Variants in RASGRP3 observed in about 807,000 individuals in gnomAD.
RASGRP3 encodes the protein ras guanyl-releasing protein 3.
Under a neutral mutation model 82.7 loss-of-function variants are expected in RASGRP3, and 54 were observed. The observed-to-expected ratio is 0.65, with a 90% CI of 0.52 to 0.82. RASGRP3 has a LOEUF of 0.82. Ranked by LOEUF, RASGRP3 falls within the 40% of genes least tolerant of loss-of-function variation. The pLI is 0.00. For synonymous variants in RASGRP3, 309 were observed against 300.5 expected (o/e 1.03, Z -0.29); for missense variants, 861 against 828.9 (o/e 1.04, Z -0.48).
chr2:33,535,086 A>G (rs1574448175), intron 11 of RASGRP3, among the ~76,000 whole-genome samples: 1 of 152,346 alleles, frequency 6.6e-6, no homozygotes, highest in East Asian at 1.9e-4. Context: ...AGCTCCATTC[A>G]ACATAAAATT....
At chr2:33,453,370 C>T (rs998515235) in intron 2 of RASGRP3, among the ~76,000 whole-genome samples, 5 of 152,138 alleles carry the variant, frequency 3.3e-5, no homozygotes, top group African/African-American at 1.2e-4. Flanking sequence ...GATAGTTGTT[C>T]AAATTGGTGT....
intron 10 of RASGRP3, chr2:33,533,670 C>T (rs56197103): frequency 0.044 from 6,645 of 152,424 alleles, 204 homozygotes; most frequent in Middle Eastern, 0.068. Flanking sequence ...GAACCCAGCC[C>T]TGCCTGACCA....
intron 1 of RASGRP3, among the ~76,000 whole-genome samples, chr2:33,499,063 AT>A (rs1360068787): frequency 6.6e-6 from 1 of 152,192 alleles, no homozygotes; most frequent in Non-Finnish European, 1.5e-5. Context: ...AAATAAATGT[AT>A]TCAATAATCA....
chr2:33,516,457 T>C (rs1302731282), intron 3 of RASGRP3, 85 bp from the exon 4 acceptor site: 4 of 848,824 alleles, frequency 4.7e-6, no homozygotes, highest in Non-Finnish European at 5.5e-6. Flanking sequence ...TTTTGACATA[T>C]GACACTACTG....
chr2:33,525,975 T>C (rs1287264799), intron 9 of RASGRP3, among the ~76,000 whole-genome samples: 1 of 152,230 alleles, frequency 6.6e-6, no homozygotes, highest in East Asian at 1.9e-4. Context: ...ATCAAACTGT[T>C]TCTCTCCTAA....
chr2:33,549,013 G>T (rs1004558530), intron 13 of RASGRP3, among the ~76,000 whole-genome samples: 1 of 152,114 alleles, frequency 6.6e-6, no homozygotes, highest in Non-Finnish European at 1.5e-5. Context: ...TGATAAACAA[G>T]AAGTCAGCGT....
chr2:33,487,910 G>T (rs940724880), intron 1 of RASGRP3, among the ~76,000 whole-genome samples: 1 of 152,170 alleles, frequency 6.6e-6, no homozygotes, highest in African/African-American at 2.4e-5. Flanking sequence ...AGACCAGCCT[G>T]GGCAACATAG....
chr2:33,544,616 A>G (rs965463296), intron 13 of RASGRP3, among the ~76,000 whole-genome samples: 8 of 152,208 alleles, frequency 5.3e-5, no homozygotes, highest in African/African-American at 1.9e-4. Flanking sequence ...CTGTAAGGAA[A>G]TGCTGGATTT....
At chr2:33,472,654 T>C (rs1291676389), upstream of RASGRP3, among the ~76,000 whole-genome samples, 1 of 151,878 alleles carries the variant, frequency 6.6e-6, no homozygotes, top group African/African-American at 2.4e-5. Flanking sequence ...GGTTGGTCAG[T>C]TGGGACAAAT....
intron 12 of RASGRP3, among the ~76,000 whole-genome samples, chr2:33,540,561 TGTGTGTGTG>T (rs1454988256): frequency 0.014 from 1,603 of 117,820 alleles, 131 homozygotes; most frequent in African/African-American, 0.026. Context: ...GTGTTTTGTG[TGTGTGTGTG>T]TGTGTGTGTG....
chr2:33,561,626 T>C (rs1397955056), intron 17 of RASGRP3, among the ~76,000 whole-genome samples: 2 of 152,254 alleles, frequency 1.3e-5, no homozygotes, highest in East Asian at 3.9e-4. Context: ...TTTTTTTTTT[T>C]CTGCCAGGCA....
chr2:33,514,727 A>G (rs529537363), intron 2 of RASGRP3, among the ~76,000 whole-genome samples: 41 of 152,160 alleles, frequency 2.7e-4, no homozygotes, highest in Non-Finnish European at 4.6e-4. Flanking sequence ...AAAAAAGGAT[A>G]TAAGGAAAGT....
chr2:33,537,201 A>ATG (rs1673700068), intron 11 of RASGRP3, among the ~76,000 whole-genome samples: 2 of 150,790 alleles, frequency 1.3e-5, no homozygotes, highest in Admixed American at 1.3e-4. Flanking sequence ...GGATATATAT[A>ATG]TATATATATC....
At chr2:33,556,670 T>A (rs1676002600) in intron 15 of RASGRP3, among the ~76,000 whole-genome samples, 1 of 152,222 alleles carries the variant, frequency 6.6e-6, no homozygotes, top group African/African-American at 2.4e-5. Context: ...TCCAGTCGTT[T>A]TCCAGTATTT....
At chr2:33,458,626 G>A (rs1056560803) in intron 2 of RASGRP3, among the ~76,000 whole-genome samples, 1 of 152,156 alleles carries the variant, frequency 6.6e-6, no homozygotes, top group Non-Finnish European at 1.5e-5. Flanking sequence ...CCCTATTCCT[G>A]CCTCAGATGG....
intron 1 of RASGRP3, among the ~76,000 whole-genome samples, chr2:33,501,253 C>A (rs1467713768): frequency 6.6e-6 from 1 of 152,186 alleles, no homozygotes; most frequent in Non-Finnish European, 1.5e-5. Flanking sequence ...GTATCAGTAC[C>A]TTGTTCCTTT....
At chr2:33,519,383 G>A (rs544736490) in intron 4 of RASGRP3, among the ~76,000 whole-genome samples, 83 of 152,266 alleles carry the variant, frequency 5.5e-4, no homozygotes, top group East Asian at 4.2e-3. Context: ...TTGGGAGGCC[G>A]AGGTGGGCGG....
chr2:33,541,572 GATTTT>G (rs978345048), intron 12 of RASGRP3, among the ~76,000 whole-genome samples: 3 of 146,852 alleles, frequency 2.0e-5, no homozygotes, highest in African/African-American at 7.3e-5. Context: ...AGTATTTTAA[GATTTT>G]ATTTAATCTG....
At chr2:33,449,694 G>T (rs565731278) in intron 2 of RASGRP3, among the ~76,000 whole-genome samples, 3 of 152,064 alleles carry the variant, frequency 2.0e-5, no homozygotes, top group African/African-American at 7.2e-5. Flanking sequence ...GAGAGGCAGA[G>T]GTTGCAGTGA....
Sources: gnomAD v4.1 joint callset for allele counts (sites outside exome capture counted in the v4.1 genomes callset) on GRCh38, gnomAD v4.1.1 for gene constraint, MANE v1.5 for transcripts, NCBI Gene and HGNC (gene_info 2026-07-23, HGNC 2026-07-21) for gene names.